CFAP206: variants seen among roughly 807,000 people sequenced by gnomAD.
The protein encoded by CFAP206 is cilia- and flagella-associated protein 206.
CFAP206 carries 53 observed loss-of-function variants against 65.4 expected under a neutral mutation model. That is an observed-to-expected ratio of 0.81 (90% CI 0.65 to 1.02). The LOEUF is 1.02. Ranked by LOEUF, CFAP206 falls within the 50% of genes least tolerant of loss-of-function variation. The probability of loss-of-function intolerance (pLI) is 0.00; values close to 1 mark genes in which losing one functional copy is unlikely to be tolerated. For missense variants in CFAP206, 663 were observed against 753.2 expected (o/e 0.88, Z 1.40); for synonymous variants, 250 against 254.4 (o/e 0.98, Z 0.17).
At chr6:87,411,326 A>G (rs1372769484) in intron 3 of CFAP206, among the ~76,000 whole-genome samples, 1 of 152,196 alleles carries the variant, frequency 6.6e-6, no homozygotes, top group Non-Finnish European at 1.5e-5. Flanking sequence ...GGCGATTTGT[A>G]TGTCTTCTTT....
chr6:87,423,217 C>T (rs1475174830), intron 7 of CFAP206, among the ~76,000 whole-genome samples: 1 of 150,826 alleles, frequency 6.6e-6, no homozygotes, highest in East Asian at 2.0e-4. Context: ...CTGCGCCCAG[C>T]CTTAGAATAT....
At chr6:87,424,102 C>G (rs545216888) in intron 7 of CFAP206, among the ~76,000 whole-genome samples, 5 of 152,184 alleles carry the variant, frequency 3.3e-5, no homozygotes, top group African/African-American at 1.2e-4. Flanking sequence ...TGGTTAAGAG[C>G]TGGGCTGTGG....
chr6:87,460,315 AATAACC>A (rs1456077973), intron 11 of CFAP206, among the ~76,000 whole-genome samples: 1 of 152,234 alleles, frequency 6.6e-6, no homozygotes, highest in Non-Finnish European at 1.5e-5. Context: ...AACCTTGGAT[AATAACC>A]TGCTATGTAT....
At chr6:87,451,821 G>A (rs1001134115) in intron 11 of CFAP206, among the ~76,000 whole-genome samples, 3 of 151,230 alleles carry the variant, frequency 2.0e-5, no homozygotes, top group Non-Finnish European at 4.4e-5. Flanking sequence ...GCAGTGAGCC[G>A]AGATAGTGCC....
intron 11 of CFAP206, among the ~76,000 whole-genome samples, chr6:87,455,043 C>T (rs1014802739): frequency 1.3e-5 from 2 of 151,806 alleles, no homozygotes; most frequent in African/African-American, 2.4e-5. Context: ...CTGCCTCAGC[C>T]TCCCAAGTAG....
At chr6:87,408,130 T>C (rs1582128719) in intron 1 of CFAP206, 41 bp downstream of exon 1, 2 of 957,640 alleles carry the variant, frequency 2.1e-6, no homozygotes, top group African/African-American at 3.5e-5. Flanking sequence ...CCCGGAGGCG[T>C]ACCCCGCCAG....
chr6:87,446,937 T>C (rs1269525032), intron 11 of CFAP206, among the ~76,000 whole-genome samples: 2 of 152,196 alleles, frequency 1.3e-5, no homozygotes, highest in Non-Finnish European at 2.9e-5. Context: ...TTCCAGGTAT[T>C]TTATTCTCTT....
Position 87,435,019 on chromosome 6 carries a change from A to G in CFAP206, c.1460A>G (p.His487Arg). ...GAGTTAATTCAACTATTGGAACTTC[A>G]TCAACAGTTTGAAACATTTATTCCA... ...NTELIQLLEL[H>R]QQFETFIPYS... is the part of the protein sequence containing the mutation. The change falls in exon 11 of 13, where the codon CAT becomes CGT. Residue 487 changes from histidine to arginine, a missense_variant. Physicochemically the swap from His to Arg is conservative, Grantham distance 29. Transcript: ENST00000369562. 5 of 1,606,976 alleles carry G rather than the reference A, an allele frequency of 3.1e-6. No homozygotes were observed. Among genetic ancestry groups the G allele is most frequent in the Non-Finnish European group, 4.2e-6 (5 of 1,176,614 alleles).
intron 11 of CFAP206, among the ~76,000 whole-genome samples, chr6:87,446,979 G>T (rs939696650): frequency 6.6e-6 from 1 of 152,052 alleles, no homozygotes; most frequent in Admixed American, 6.6e-5. Context: ...TTCATATCAT[G>T]GTTTGGCTCT....
intron 10 of CFAP206, among the ~76,000 whole-genome samples, chr6:87,434,627 A>G (rs542815498): frequency 6.6e-6 from 1 of 151,608 alleles, no homozygotes; most frequent in South Asian, 2.1e-4. Context: ...CCCCCTGAGT[A>G]GCTGGGATTA....
intron 7 of CFAP206, among the ~76,000 whole-genome samples, chr6:87,419,835 G>C (rs928196266): frequency 6.6e-6 from 1 of 152,142 alleles, no homozygotes; most frequent in Non-Finnish European, 1.5e-5. Flanking sequence ...AAGGATCCTA[G>C]CTGGGAGGCT....
At chr6:87,455,979 G>A (rs762294228) in intron 11 of CFAP206, among the ~76,000 whole-genome samples, 24 of 152,254 alleles carry the variant, frequency 1.6e-4, no homozygotes, top group South Asian at 1.0e-3. Context: ...AAAAGTAGAG[G>A]AAGAGGGAAT....
intron 10 of CFAP206, among the ~76,000 whole-genome samples, chr6:87,432,274 ATGT>A (rs891712260): frequency 1.1e-4 from 16 of 152,318 alleles, no homozygotes; most frequent in Non-Finnish European, 1.8e-4. Context: ...CATTTAAAAA[ATGT>A]TATTACATTT....
At chr6:87,427,393 C>T (rs1176336574) in intron 8 of CFAP206, among the ~76,000 whole-genome samples, 1 of 152,176 alleles carries the variant, frequency 6.6e-6, no homozygotes, top group Non-Finnish European at 1.5e-5. Context: ...CCCGCCTCGG[C>T]CTCCCAAAGT....
intron 9 of CFAP206, 103 bp downstream of exon 9, chr6:87,428,927 A>G (rs1768106149): frequency 8.5e-7 from 1 of 1,173,104 alleles, no homozygotes; most frequent in African/African-American, 1.5e-5. Flanking sequence ...TAAAGCATTA[A>G]ACATTTTTCT....
rs184356946 is a variant in CFAP206, at chr6:87,447,221, C to T, written c.1494+12168C>T. On this transcript the variant is annotated intron_variant, in intron 11 of 12. Coordinates refer to ENST00000369562, the MANE Select transcript of CFAP206 (RefSeq NM_001031743.3). Reference sequence around the variant, plus strand: ...ACTGCCCTGTCCAGAACTTCCAGTACCGTGTTGAATAGGAGTGGTGAGAGA... The same window carrying T: ...ACTGCCCTGTCCAGAACTTCCAGTATCGTGTTGAATAGGAGTGGTGAGAGA... Among the ~76,000 whole-genome samples, 478 of 152,200 alleles carry T rather than the reference C, an allele frequency of 3.1e-3. 2 individuals carry two copies. The highest frequency in any genetic ancestry group is 0.011 in the African/African-American group (440 of 41,548).
rs550122833 is a variant in CFAP206, at chr6:87,409,818, ATTG to A, written c.-5-11_-5-9del. 37 of 1,516,506 alleles carry A rather than the reference ATTG, an allele frequency of 2.4e-5. No homozygotes were observed. The highest frequency in any genetic ancestry group is 2.0e-4 in the South Asian group (17 of 84,298). The allele number at this position is 1,516,506 out of a possible 1,614,324, so 93.9% of individuals were successfully genotyped here. On this transcript the variant is annotated splice_polypyrimidine_tract_variant and intron_variant, in intron 1 of 12. Transcript: ENST00000369562. ...TAAAACCACGGTTTTTTTAAAAAAA[ATTG>A]TTGTTTTATTTAGCCAGAATGCCTC...
At chr6:87,451,420 C>T (rs1768540843) in intron 11 of CFAP206, among the ~76,000 whole-genome samples, 1 of 152,102 alleles carries the variant, frequency 6.6e-6, no homozygotes, top group Admixed American at 6.5e-5. Context: ...CCACCCTGGG[C>T]CAGAAGGGAA....
rs898509070 is a variant in CFAP206 at position 87,410,688 on chromosome 6, C to G, written c.192+20C>G. The G allele has an allele frequency of 6.3e-7, 1 of 1,579,790 alleles. No individual in the cohort carries two copies. The highest frequency in any genetic ancestry group is 1.7e-4 in the Middle Eastern group (1 of 5,996). On this transcript the variant is annotated intron_variant, in intron 3 of 12. Coordinates refer to ENST00000369562, the MANE Select transcript of CFAP206 (RefSeq NM_001031743.3). ...GTTAAGGTGATTACCCAACAGTCCT[C>G]AAATTTGCAATTACTTATTCTCAGT...
Sources: gnomAD v4.1 joint callset for allele counts (sites outside exome capture counted in the v4.1 genomes callset) on GRCh38, gnomAD v4.1.1 for gene constraint, MANE v1.5 for transcripts, NCBI Gene and HGNC (gene_info 2026-07-23, HGNC 2026-07-21) for gene names.